Variants in AP3S1 observed in about 807,000 individuals in gnomAD.
The protein encoded by AP3S1 is AP-3 complex subunit sigma-1.
Under a neutral mutation model 21.3 loss-of-function variants are expected in AP3S1, and 12 were observed. That is an observed-to-expected ratio of 0.56 (90% CI 0.36 to 0.91). AP3S1 has a LOEUF of 0.91. Ranked by LOEUF, AP3S1 falls within the 40% of genes least tolerant of loss-of-function variation. The probability of loss-of-function intolerance (pLI) is 0.01; values close to 1 mark genes in which losing one functional copy is unlikely to be tolerated. For synonymous variants in AP3S1, 48 were observed against 78.4 expected (o/e 0.61, Z 2.05); for missense variants, 116 against 225.0 (o/e 0.52, Z 3.10).
In AP3S1 at chr5:115,908,086, A is replaced by G. The variant is rs184006721; in HGVS notation, c.453+5094A>G. ...TACTTACTCTCTCGATGTGTTTGAG[A>G]AGAAGTAGCAACATACAGGTGGCTT... is the stretch of plus-strand genomic sequence containing the variant. On this transcript the variant is annotated intron_variant, in intron 5 of 5. Transcript: ENST00000316788. 6.6e-3 allele frequency among the ~76,000 whole-genome samples: 998 copies of G among 152,246 alleles called. 5 individuals carry two copies. Among genetic ancestry groups the G allele is most frequent in the Non-Finnish European group, 0.01 (683 of 67,982 alleles).
chr5:115,854,565 C>G (rs957358), intron 1 of AP3S1, among the ~76,000 whole-genome samples: 1 of 152,148 alleles, frequency 6.6e-6, no homozygotes, highest in Non-Finnish European at 1.5e-5. Context: ...AGCCAGACTT[C>G]TTAGGAGAGG....
intron 5 of AP3S1, among the ~76,000 whole-genome samples, chr5:115,904,737 A>G (rs893355664): frequency 2.0e-5 from 3 of 152,236 alleles, no homozygotes; most frequent in Non-Finnish European, 2.9e-5. Flanking sequence ...AAAGATTATT[A>G]TAAACCCTGA....
chr5:115,902,396 A>G (rs1042676168), intron 4 of AP3S1, among the ~76,000 whole-genome samples: 11 of 152,152 alleles, frequency 7.2e-5, no homozygotes, highest in Admixed American at 7.2e-4. Flanking sequence ...CACAATTTAA[A>G]AAATTCTACC....
intron 1 of AP3S1, among the ~76,000 whole-genome samples, chr5:115,861,396 C>T (rs528472177): frequency 6.6e-6 from 1 of 152,164 alleles, no homozygotes; most frequent in South Asian, 2.1e-4. Context: ...CGTTTTATGG[C>T]ATGGTAGGGA....
At chr5:115,863,165 C>T (rs1357776633) in intron 1 of AP3S1, among the ~76,000 whole-genome samples, 2 of 151,630 alleles carry the variant, frequency 1.3e-5, no homozygotes, top group East Asian at 1.9e-4. Flanking sequence ...TTTGGGAGAC[C>T]GAGGCGGGTG....
At chr5:115,911,987 T>C (rs563900830) in intron 5 of AP3S1, 2 of 152,126 alleles carry the variant, frequency 1.3e-5, no homozygotes, top group East Asian at 1.9e-4. Flanking sequence ...AATATACTTA[T>C]TATTAATACT....
At chr5:115,878,153 C>A (rs1015001042) in intron 3 of AP3S1, among the ~76,000 whole-genome samples, 1 of 152,128 alleles carries the variant, frequency 6.6e-6, no homozygotes, top group Non-Finnish European at 1.5e-5. Context: ...TGTAGGTTGC[C>A]TGTTCACTCT....
intron 5 of AP3S1, among the ~76,000 whole-genome samples, chr5:115,908,053 T>C (rs1257047648): frequency 5.9e-5 from 9 of 152,184 alleles, no homozygotes. Context: ...TTTTAGCCAC[T>C]AAATTTTTAC....
Position 115,869,977 on chromosome 5 carries a change from A to G in AP3S1, c.162-40A>G, listed in dbSNP as rs371698185. The G allele has an allele frequency of 1.9e-4, 243 of 1,294,862 alleles. 6 individuals carry two copies. The South Asian group carries it at 3.2e-3, about 17-fold the overall frequency. 80.2% of individuals were successfully genotyped at this position (1,294,862 alleles called of 1,614,324 possible). A position where few individuals can be genotyped will look rare whatever the true frequency, so the allele number is the denominator to read the frequency against. The stretch of plus-strand genomic sequence containing the variant: ...GCTTGAGCTAATGAAAATGATTCGC[A>G]TTTTGTTTCCAATAACATTACAATT... On this transcript the variant is annotated intron_variant, in intron 2 of 5. Transcript: ENST00000316788.
At chr5:115,843,953 GTA>G (rs1761860434) in intron 1 of AP3S1, among the ~76,000 whole-genome samples, 1 of 152,198 alleles carries the variant, frequency 6.6e-6, no homozygotes, top group Non-Finnish European at 1.5e-5. Flanking sequence ...TTTGGCCATT[GTA>G]TGAGTGACAG....
intron 1 of AP3S1, among the ~76,000 whole-genome samples, chr5:115,849,946 T>C (rs1762320566): frequency 6.6e-6 from 1 of 152,144 alleles, no homozygotes; most frequent in Non-Finnish European, 1.5e-5. Context: ...TCCAGTTCTG[T>C]ATAGCCTCTC....
chr5:115,866,789 T>A (rs751128036), intron 2 of AP3S1, 28 bp downstream of exon 2: 1 of 1,490,462 alleles, frequency 6.7e-7, no homozygotes, highest in African/African-American at 1.4e-5. Flanking sequence ...TAGACATTTC[T>A]AAGTTTTGAC....
At chr5:115,869,794 T>G (rs1216570678) in intron 2 of AP3S1, among the ~76,000 whole-genome samples, 1 of 152,234 alleles carries the variant, frequency 6.6e-6, no homozygotes, top group Non-Finnish European at 1.5e-5. Context: ...GTTTAATGAA[T>G]GAATGAACTG....
intron 1 of AP3S1, among the ~76,000 whole-genome samples, chr5:115,848,558 C>T (rs1345651068): frequency 6.6e-6 from 1 of 152,168 alleles, no homozygotes; most frequent in African/African-American, 2.4e-5. Flanking sequence ...CTGAGGTTAT[C>T]AGTGTCCTTG....
chr5:115,862,277 T>A (rs1763255447), intron 1 of AP3S1, among the ~76,000 whole-genome samples: 1 of 152,108 alleles, frequency 6.6e-6, no homozygotes, highest in Non-Finnish European at 1.5e-5. Flanking sequence ...TTTTGGAGAT[T>A]TTTGACAAAT....
chr5:115,883,809 T>A (rs1379936783), intron 3 of AP3S1, among the ~76,000 whole-genome samples: 1 of 152,236 alleles, frequency 6.6e-6, no homozygotes, highest in African/African-American at 2.4e-5. Flanking sequence ...AATATAGTTT[T>A]GACAATTTAT....
intron 3 of AP3S1, among the ~76,000 whole-genome samples, chr5:115,874,133 C>T (rs1470425079): frequency 6.6e-6 from 1 of 152,034 alleles, no homozygotes; most frequent in Non-Finnish European, 1.5e-5. Flanking sequence ...GCTACCCAAA[C>T]GAATGATCAG....
chr5:115,877,366 G>T (rs114000001), intron 3 of AP3S1, among the ~76,000 whole-genome samples: 1,716 of 152,038 alleles, frequency 0.011, 13 homozygotes, highest in Non-Finnish European at 0.015. Context: ...TCCACCCCCT[G>T]ACAAGTCCCG....
chr5:115,909,075 C>A, intron 5 of AP3S1: 1 of 668,204 alleles, frequency 1.5e-6, no homozygotes, highest in Non-Finnish European at 1.8e-6. Context: ...TCTTATTATG[C>A]TGTATTCAAA....
Sources: gnomAD v4.1 joint callset for allele counts (sites outside exome capture counted in the v4.1 genomes callset) on GRCh38, gnomAD v4.1.1 for gene constraint, MANE v1.5 for transcripts, NCBI Gene and HGNC (gene_info 2026-07-23, HGNC 2026-07-21) for gene names.